The following CEP19 variants were observed in gnomAD, a reference collection of about 807,000 sequenced individuals.
CEP19 encodes centrosomal protein of 19 kDa.
CEP19 carries 14 observed loss-of-function variants against 17.5 expected under a neutral mutation model. The ratio of observed to expected loss-of-function variants is 0.80; its 90% CI spans 0.53 to 1.25. The LOEUF (loss-of-function observed/expected upper bound fraction) is 1.25. Ranked by LOEUF, CEP19 falls within the 50% of genes most tolerant of loss-of-function variation. CEP19 has a pLI of 0.00. For missense variants in CEP19, 193 were observed against 192.0 expected (o/e 1.01, Z -0.03); for synonymous variants, 59 against 65.5 (o/e 0.90, Z 0.48).
chr3:196,707,448 T>C lies in CEP19; in HGVS notation c.*103A>G. ...TTGAAAAGTAACATGGTCAATCCCC[T>C]ATAACCCAACATATTTAGTATTCTT... is the stretch of plus-strand genomic sequence containing the variant. On this transcript the variant is annotated 3_prime_UTR_variant, in exon 3 of 3. Coordinates refer to ENST00000409690, the MANE Select transcript of CEP19 (RefSeq NM_032898.5). 3 of 1,304,436 alleles carry C rather than the reference T, an allele frequency of 2.3e-6. No individual in the cohort carries two copies. Among genetic ancestry groups the C allele is most frequent in the Non-Finnish European group, 3.1e-6 (3 of 952,606 alleles). The allele number at this position is 1,304,436 out of a possible 1,614,324, so 80.8% of individuals were successfully genotyped here. A position where few individuals can be genotyped will look rare whatever the true frequency, so the allele number is the denominator to read the frequency against.
In CEP19 at chr3:196,706,995, C is replaced by CACAGGTT. The variant is rs1376909003; in HGVS notation, c.*549_*555dup. On this transcript the variant is annotated 3_prime_UTR_variant, in exon 3 of 3. Coordinates refer to ENST00000409690, the MANE Select transcript of CEP19 (RefSeq NM_032898.5). Reference sequence around the variant, plus strand: ...TGCTTAATACTGCTAATTAGCTTTTCACAGGTTTTGACATCTTCCAGTCAG... The same window carrying CACAGGTT: ...TGCTTAATACTGCTAATTAGCTTTTCACAGGTTACAGGTTTTGACATCTTCCAGTCAG... The CACAGGTT allele has an allele frequency of 6.7e-6, 1 of 149,844 alleles. No homozygotes were observed. The highest frequency in any genetic ancestry group is 1.5e-5 in the Non-Finnish European group (1 of 67,986). The allele number at this position is 149,844 out of a possible 1,614,324, so 9.3% of individuals were successfully genotyped here.
rs1711581639 is a variant in CEP19 at position 196,707,802 on chromosome 3, A to T, written c.241T>A (p.Leu81Met). The T allele has an allele frequency of 6.2e-7, 1 of 1,614,078 alleles. No individual in the cohort carries two copies. Among genetic ancestry groups the T allele is most frequent in the Admixed American group, 1.7e-5 (1 of 59,996 alleles). Reference protein sequence around the residue: ...EKLFSFLRGYLSGQSLAETME... With the variant: ...EKLFSFLRGYMSGQSLAETME... ...GTTTCTGCCAGACTCTGCCCCGACA[A>T]GTAACCTCGTAAAAAACTGAATAGC... The change falls in exon 3 of 3, where the codon TTG becomes ATG. Residue 81 changes from leucine (L) to methionine (M), a missense_variant. Leu to Met is a conservative substitution (Grantham distance 15). Coordinates refer to ENST00000409690, the MANE Select transcript of CEP19 (RefSeq NM_032898.5).
chr3:196,711,217 G>A (rs1711758714), intron 1 of CEP19, among the ~76,000 whole-genome samples: 1 of 151,802 alleles, frequency 6.6e-6, no homozygotes, highest in Non-Finnish European at 1.5e-5. Flanking sequence ...ACAAACTATC[G>A]TCCTTGGCCC....
rs946602094 is a variant in CEP19, at chr3:196,708,674, G to A, written c.-17C>T. On this transcript the variant is annotated 5_prime_UTR_variant, in exon 2 of 3. Transcript: ENST00000409690. The stretch of plus-strand genomic sequence containing the variant: ...GCACATCATTCCCATGTACATGTCC[G>A]GGTAAGTCAGAGGAAATCTGATGAA... 5.0e-6 allele frequency: 8 copies of A among 1,612,364 alleles called. No homozygotes were observed. In the Admixed American group the frequency reaches 6.7e-5, roughly 13 times the overall value.
In CEP19 at chr3:196,707,399, G is replaced by T; in HGVS notation, c.*152C>A. The T allele has an allele frequency of 2.5e-6, 2 of 785,836 alleles. No individual in the cohort carries two copies. Among genetic ancestry groups the T allele is most frequent in the Non-Finnish European group, 4.0e-6 (2 of 493,950 alleles). 48.7% of individuals were successfully genotyped at this position (785,836 alleles called of 1,614,324 possible). A position where few individuals can be genotyped will look rare whatever the true frequency, so the allele number is the denominator to read the frequency against. On this transcript the variant is annotated 3_prime_UTR_variant, in exon 3 of 3. Coordinates refer to ENST00000409690, the MANE Select transcript of CEP19 (RefSeq NM_032898.5). ...CCCATACTCCTCATGCACCTACATAGTAGATGCTTTAAATGTCCTGGTTTT... is the reference window on the plus strand; with the variant it reads ...CCCATACTCCTCATGCACCTACATATTAGATGCTTTAAATGTCCTGGTTTT...
At chr3:196,709,903 G>C (rs947806367) in intron 1 of CEP19, among the ~76,000 whole-genome samples, 1 of 152,142 alleles carries the variant, frequency 6.6e-6, no homozygotes, top group African/African-American at 2.4e-5. Context: ...AGTTCTGCTG[G>C]AGAATCACTA....
At chr3:196,709,409 C>T (rs1181228540) in intron 1 of CEP19, among the ~76,000 whole-genome samples, 2 of 152,148 alleles carry the variant, frequency 1.3e-5, no homozygotes, top group Non-Finnish European at 2.9e-5. Context: ...GGGGCATATT[C>T]ATTTTCCACC....
At chr3:196,709,361 C>G (rs1327665638) in intron 1 of CEP19, among the ~76,000 whole-genome samples, 1 of 152,160 alleles carries the variant, frequency 6.6e-6, no homozygotes, top group Non-Finnish European at 1.5e-5. Context: ...ATTTAATCAT[C>G]TATCTTCCCT....
At chr3:196,710,012 C>A (rs925526778) in intron 1 of CEP19, among the ~76,000 whole-genome samples, 11 of 152,084 alleles carry the variant, frequency 7.2e-5, no homozygotes, top group African/African-American at 2.7e-4. Flanking sequence ...AAAATAATCA[C>A]CCTTGATTGT....
chr3:196,711,092 G>C (rs920358461), intron 1 of CEP19, among the ~76,000 whole-genome samples: 1 of 145,720 alleles, frequency 6.9e-6, no homozygotes, highest in Non-Finnish European at 1.5e-5. Context: ...TATGCAGTTG[G>C]TACTCAAATA....
At chr3:196,708,012 C>A in intron 2 of CEP19, 100 bp from the exon 3 acceptor site, 1 of 1,307,682 alleles carries the variant, frequency 7.6e-7, no homozygotes, top group Non-Finnish European at 1.0e-6. Flanking sequence ...ACTCTGAACC[C>A]TGAAAATATT....
intron 1 of CEP19, among the ~76,000 whole-genome samples, chr3:196,710,610 A>AG (rs1711715280): frequency 6.6e-6 from 1 of 151,734 alleles, no homozygotes; most frequent in Admixed American, 6.6e-5. Context: ...GGCCAAGGAG[A>AG]GGAGATACCT....
chr3:196,708,563 C>T lies in CEP19; in HGVS notation c.95G>A (p.Arg32His), dbSNP rs374921346. ...TGAAAAGTTTCGAACTGGCATAATG[C>T]GCTGGCGAATTTTCCCCTTGATTTC... ...ESEIKGKIRQ[R>H]IMPVRNFSKF... The change falls in exon 2 of 3, where the codon CGC becomes CAC. Residue 32 changes from arginine (R) to histidine (H), a missense_variant. By Grantham distance (29) the Arg-to-His change is conservative. Transcript: ENST00000409690. The T allele has an allele frequency of 1.4e-5, 22 of 1,613,978 alleles. No homozygotes were observed. Among genetic ancestry groups the T allele is most frequent in the Middle Eastern group, 1.6e-4 (1 of 6,084 alleles).
At chr3:196,710,192 G>C (rs144655408) in intron 1 of CEP19, among the ~76,000 whole-genome samples, 43 of 152,116 alleles carry the variant, frequency 2.8e-4, no homozygotes, top group Middle Eastern at 3.4e-3. Flanking sequence ...TTTTATGGAT[G>C]TACTATAATC....
chr3:196,712,045 C>G lies in CEP19; in HGVS notation c.-187G>C, dbSNP rs181917719. On this transcript the variant is annotated 5_prime_UTR_variant, in exon 1 of 3. Coordinates refer to ENST00000409690, the MANE Select transcript of CEP19 (RefSeq NM_032898.5). ...CCCCTAAGCCGACTGTGAGACCGGG[C>G]GGAGCCTGGCGCTGCAGGAAGAGGC... 305 of 712,356 alleles carry G rather than the reference C, an allele frequency of 4.3e-4. 1 individual carries two copies. In the African/African-American group the frequency reaches 4.6e-3, roughly 11 times the overall value. 44.1% of individuals were successfully genotyped at this position (712,356 alleles called of 1,614,324 possible). A position where few individuals can be genotyped will look rare whatever the true frequency, so the allele number is the denominator to read the frequency against.
At position 196,712,142 on chromosome 3, in the gene CEP19, G is replaced by T. The variant is rs1178959601; in HGVS notation, c.-284C>A. 1.7e-6 allele frequency: 1 copy of T among 580,798 alleles called. No individual in the cohort carries two copies. The highest frequency in any genetic ancestry group is 3.1e-6 in the Non-Finnish European group (1 of 319,626). The allele number at this position is 580,798 out of a possible 1,614,324, so 36.0% of individuals were successfully genotyped here. A position where few individuals can be genotyped will look rare whatever the true frequency, so the allele number is the denominator to read the frequency against. On this transcript the variant is annotated 5_prime_UTR_variant, in exon 1 of 3. Transcript: ENST00000409690. ...GGGAGGCCCGAACCCTCAAACACCG[G>T]GAAGCGGAGGTGGGGGCCGGCTGGG... is the stretch of plus-strand genomic sequence containing the variant.
At position 196,707,061 on chromosome 3, in the gene CEP19, T is replaced by TTGC. The variant is rs1264148482; in HGVS notation, c.*487_*489dup. ...TTTTTTTTTTTTTTGAGATGGAGTTTTGCTCATCGCCCAGGCTGGAGTACA... is the reference window on the plus strand; with the variant it reads ...TTTTTTTTTTTTTTGAGATGGAGTTTTGCTGCTCATCGCCCAGGCTGGAGTACA... On this transcript the variant is annotated 3_prime_UTR_variant, in exon 3 of 3. Transcript: ENST00000409690. The TTGC allele has an allele frequency of 7.3e-5, 11 of 151,354 alleles. No individual in the cohort carries two copies. The highest frequency in any genetic ancestry group is 2.7e-4 in the African/African-American group (11 of 40,852). The allele number at this position is 151,354 out of a possible 1,614,324, so 9.4% of individuals were successfully genotyped here.
rs185429201 is a variant in CEP19, at chr3:196,712,148, G to T, written c.-290C>A. On this transcript the variant is annotated 5_prime_UTR_variant, in exon 1 of 3. Coordinates refer to ENST00000409690, the MANE Select transcript of CEP19 (RefSeq NM_032898.5). ...CCCGAACCCTCAAACACCGGGAAGC[G>T]GAGGTGGGGGCCGGCTGGGGGACCG... 149 of 577,816 alleles carry T rather than the reference G, an allele frequency of 2.6e-4. 1 individual carries two copies. The highest frequency in any genetic ancestry group is 2.1e-3 in the African/African-American group (114 of 53,688). The allele number at this position is 577,816 out of a possible 1,614,324, so 35.8% of individuals were successfully genotyped here. A position where few individuals can be genotyped will look rare whatever the true frequency, so the allele number is the denominator to read the frequency against.
At chr3:196,708,340 C>A (rs1405002066) in intron 2 of CEP19, among the ~76,000 whole-genome samples, 188 bp downstream of exon 2, 1 of 152,014 alleles carries the variant, frequency 6.6e-6, no homozygotes, top group African/African-American at 2.4e-5. Flanking sequence ...AGGCAGCAAT[C>A]CCAAAAGGAT....
Sources: allele counts gnomAD v4.1 joint callset (sites outside exome capture counted in the v4.1 genomes callset), GRCh38; gene constraint gnomAD v4.1.1; transcripts MANE v1.5; gene names NCBI Gene and HGNC (gene_info 2026-07-23, HGNC 2026-07-21).